Variants in TBC1D5 observed in about 807,000 individuals in gnomAD.
TBC1D5 encodes TBC1 domain family member 5, also known as TBC1 domain family, member 5.
TBC1D5 carries 75 observed loss-of-function variants against 100.3 expected under a neutral mutation model. That is an observed-to-expected ratio of 0.75 (90% CI 0.62 to 0.91). TBC1D5 has a LOEUF of 0.91. Ranked by LOEUF, TBC1D5 falls within the 40% of genes least tolerant of loss-of-function variation. The probability of loss-of-function intolerance (pLI) is 0.00; values close to 1 mark genes in which losing one functional copy is unlikely to be tolerated. For synonymous variants in TBC1D5, 323 were observed against 325.6 expected (o/e 0.99, Z 0.09); for missense variants, 910 against 942.4 (o/e 0.97, Z 0.45).
At chr3:17,568,655 T>C (rs1410487901) in intron 2 of TBC1D5, among the ~76,000 whole-genome samples, 4 of 151,622 alleles carry the variant, frequency 2.6e-5, no homozygotes, top group Non-Finnish European at 1.5e-5. Flanking sequence ...TTGTTCTGTA[T>C]TGGCAATAGG....
intron 15 of TBC1D5, among the ~76,000 whole-genome samples, chr3:17,266,245 T>C (rs2078834719): frequency 6.6e-6 from 1 of 152,274 alleles, no homozygotes; most frequent in African/African-American, 2.4e-5. Context: ...TAAATACAGA[T>C]ACAGTAACAC....
intron 19 of TBC1D5, among the ~76,000 whole-genome samples, chr3:17,168,986 G>A (rs577209961): frequency 6.6e-6 from 1 of 152,278 alleles, no homozygotes; most frequent in Admixed American, 6.5e-5. Flanking sequence ...TTGGCCTGGA[G>A]GCTCTTGCTC....
intron 2 of TBC1D5, among the ~76,000 whole-genome samples, chr3:17,581,505 T>C (rs2096696431): frequency 6.6e-6 from 1 of 152,218 alleles, no homozygotes; most frequent in Admixed American, 6.5e-5. Context: ...CCTTTTATAA[T>C]ATAATTTTCC....
chr3:17,606,170 T>C lies in TBC1D5; in HGVS notation c.-36+17679A>G, dbSNP rs184954483. 3.2e-4 allele frequency among the ~76,000 whole-genome samples: 48 copies of C among 152,320 alleles called. No homozygotes were observed. The Middle Eastern group carries it at 0.01, about 32-fold the overall frequency. ...ACAAGTATTTTAGGGCTGCGTACAG[T>C]GGCTCATGCCTGTGATATCAGGCAC... On this transcript the variant is annotated intron_variant, in intron 2 of 21. Transcript: ENST00000253692.
At chr3:17,486,968 G>T (rs1043026423) in intron 3 of TBC1D5, among the ~76,000 whole-genome samples, 1 of 152,132 alleles carries the variant, frequency 6.6e-6, no homozygotes, top group Non-Finnish European at 1.5e-5. Flanking sequence ...ATTAGAAAAC[G>T]GCATATCCTA....
At chr3:17,650,244 A>G (rs2153715840) in intron 1 of TBC1D5, among the ~76,000 whole-genome samples, 1 of 152,240 alleles carries the variant, frequency 6.6e-6, no homozygotes, top group African/African-American at 2.4e-5. Context: ...ATACCTATGT[A>G]ACAAACCTGC....
rs550282309 is a variant in TBC1D5, at chr3:17,682,050, C to G, written c.-101+57293G>C. Among the ~76,000 whole-genome samples the G allele has an allele frequency of 3.1e-4, 47 of 151,548 alleles. 1 individual carries two copies. Among genetic ancestry groups the G allele is most frequent in the African/African-American group, 1.1e-3 (45 of 40,872 alleles). On this transcript the variant is annotated intron_variant, in intron 1 of 21. Transcript: ENST00000253692. Reference sequence around the variant, plus strand: ...CTGGAAACCATCCCTACCCTTCCCCCCACCGTCCATATAAAAATTGTCTTC... The same window carrying G: ...CTGGAAACCATCCCTACCCTTCCCCGCACCGTCCATATAAAAATTGTCTTC...
At chr3:17,595,807 A>T (rs1301053943) in intron 2 of TBC1D5, among the ~76,000 whole-genome samples, 2 of 152,202 alleles carry the variant, frequency 1.3e-5, no homozygotes, top group Non-Finnish European at 2.9e-5. Context: ...CTTTAAAATA[A>T]ATCAATCTTA....
At chr3:17,683,537 C>G (rs530694995) in intron 1 of TBC1D5, among the ~76,000 whole-genome samples, 6 of 146,738 alleles carry the variant, frequency 4.1e-5, no homozygotes, top group African/African-American at 1.6e-4. Context: ...AACGAATATA[C>G]TTTGCAAGTT....
chr3:17,439,465 T>C (rs2094599126), intron 3 of TBC1D5, among the ~76,000 whole-genome samples: 1 of 152,166 alleles, frequency 6.6e-6, no homozygotes. Context: ...AAAAATATCT[T>C]TAGTCTTATA....
intron 14 of TBC1D5, among the ~76,000 whole-genome samples, chr3:17,306,577 A>G (rs1462480526): frequency 6.6e-6 from 1 of 152,206 alleles, no homozygotes; most frequent in African/African-American, 2.4e-5. Flanking sequence ...TAAAATGATA[A>G]AAGTAGGTCT....
At chr3:17,572,715 G>A (rs2096635047) in intron 2 of TBC1D5, among the ~76,000 whole-genome samples, 1 of 152,000 alleles carries the variant, frequency 6.6e-6, no homozygotes, top group Admixed American at 6.6e-5. Flanking sequence ...ACCACTTTTG[G>A]CACTTCACTT....
intron 1 of TBC1D5, among the ~76,000 whole-genome samples, chr3:17,700,477 A>G (rs1369618616): frequency 1.3e-5 from 2 of 152,204 alleles, no homozygotes; most frequent in African/African-American, 4.8e-5. Flanking sequence ...AAATTGACAA[A>G]TGGGATCTAA....
At chr3:17,621,663 T>C (rs1415147794) in intron 2 of TBC1D5, among the ~76,000 whole-genome samples, 1 of 152,180 alleles carries the variant, frequency 6.6e-6, no homozygotes, top group Admixed American at 6.5e-5. Flanking sequence ...ATCACTACAG[T>C]TGTGTCCTGT....
chr3:17,532,709 C>T (rs1186468121), intron 2 of TBC1D5, among the ~76,000 whole-genome samples: 2 of 152,036 alleles, frequency 1.3e-5, no homozygotes, highest in African/African-American at 4.8e-5. Flanking sequence ...AGCTGGAAAC[C>T]ATCATTCTCA....
intron 3 of TBC1D5, among the ~76,000 whole-genome samples, chr3:17,455,474 A>G (rs1559924533): frequency 6.9e-6 from 1 of 144,646 alleles, no homozygotes; most frequent in Non-Finnish European, 1.5e-5. Flanking sequence ...ATATGTGTAT[A>G]TATATGTATA....
intron 2 of TBC1D5, among the ~76,000 whole-genome samples, chr3:17,531,059 T>C (rs537846136): frequency 4.6e-4 from 70 of 152,326 alleles, no homozygotes; most frequent in Non-Finnish European, 7.3e-4. Context: ...TGTTTGCAGA[T>C]GACATGATTG....
chr3:17,284,451 T>A (rs1394434568), intron 15 of TBC1D5, among the ~76,000 whole-genome samples: 1 of 152,142 alleles, frequency 6.6e-6, no homozygotes, highest in Non-Finnish European at 1.5e-5. Context: ...TTATAACACA[T>A]CATAATCTGT....
chr3:17,173,657 C>T (rs2067386298), intron 19 of TBC1D5, among the ~76,000 whole-genome samples: 1 of 152,170 alleles, frequency 6.6e-6, no homozygotes, highest in African/African-American at 2.4e-5. Flanking sequence ...ATGTTTCCTC[C>T]TCCCTTGGTA....
Sources: gnomAD v4.1 joint callset for allele counts (sites outside exome capture counted in the v4.1 genomes callset) on GRCh38, gnomAD v4.1.1 for gene constraint, MANE v1.5 for transcripts, NCBI Gene and HGNC (gene_info 2026-07-23, HGNC 2026-07-21) for gene names.